Variants in PDE7B observed in about 807,000 individuals in gnomAD.
PDE7B encodes the protein 3',5'-cyclic-AMP phosphodiesterase 7B.
A neutral mutation model predicts 56.2 loss-of-function variants in PDE7B; 29 were observed. The ratio of observed to expected loss-of-function variants is 0.52; its 90% CI spans 0.38 to 0.70. The LOEUF (loss-of-function observed/expected upper bound fraction) is 0.70. PDE7B is among the 30% of genes least tolerant of loss of function. The pLI is 0.00. For synonymous variants in PDE7B, 197 were observed against 196.9 expected (o/e 1.00, Z 0.00); for missense variants, 490 against 565.0 (o/e 0.87, Z 1.35).
At chr6:135,971,223 C>T (rs142970197) in intron 2 of PDE7B, among the ~76,000 whole-genome samples, 6 of 152,264 alleles carry the variant, frequency 3.9e-5, no homozygotes, top group Non-Finnish European at 7.4e-5. Context: ...GACATCTTCA[C>T]GCAAACATGA....
chr6:136,008,359 T>C (rs1221209671), intron 2 of PDE7B, among the ~76,000 whole-genome samples: 1 of 152,226 alleles, frequency 6.6e-6, no homozygotes, highest in East Asian at 1.9e-4. Context: ...AGTAATGGGA[T>C]TGCTGGGTCA....
intron 3 of PDE7B, among the ~76,000 whole-genome samples, chr6:136,125,372 G>C (rs1347500212): frequency 6.6e-6 from 1 of 152,106 alleles, no homozygotes; most frequent in Non-Finnish European, 1.5e-5. Flanking sequence ...GCAGGAGTTT[G>C]AGATCAGCCT....
intron 2 of PDE7B, among the ~76,000 whole-genome samples, chr6:135,974,761 T>G (rs1237240173): frequency 6.6e-6 from 1 of 152,200 alleles, no homozygotes; most frequent in Non-Finnish European, 1.5e-5. Flanking sequence ...AGCTACACAA[T>G]CATCATGATC....
rs142417463 is a variant in PDE7B at position 136,187,012 on chromosome 6, TTTTC to T, written c.1046-9_1046-6del. 1,796 of 1,274,982 alleles carry T rather than the reference TTTTC, an allele frequency of 1.4e-3. 24 individuals are homozygous for T. The highest frequency in any genetic ancestry group is 0.013 in the East Asian group (577 of 43,330). 79.0% of individuals were successfully genotyped at this position (1,274,982 alleles called of 1,614,324 possible). A position where few individuals can be genotyped will look rare whatever the true frequency, so the allele number is the denominator to read the frequency against. ...TAAGTTCTAGATTACCAATGTGTTTTTTTCTTTCTTTCTTTCTTCTTAGGTGAAC... is the reference window on the plus strand; with the variant it reads ...TAAGTTCTAGATTACCAATGTGTTTTTTTCTTTCTTTCTTCTTAGGTGAAC... On this transcript the variant is annotated intron_variant, in intron 11 of 12. Transcript: ENST00000308191.
intron 2 of PDE7B, among the ~76,000 whole-genome samples, chr6:135,966,881 A>G (rs1363619027): frequency 6.6e-6 from 1 of 152,204 alleles, no homozygotes; most frequent in Non-Finnish European, 1.5e-5. Flanking sequence ...GCAATTATTG[A>G]GCATCTACTG....
intron 12 of PDE7B, among the ~76,000 whole-genome samples, chr6:136,187,648 C>T (rs866631373): frequency 2.6e-5 from 4 of 152,228 alleles, no homozygotes; most frequent in African/African-American, 9.6e-5. Context: ...TAAAACCACA[C>T]TCTCTTTCAA....
At chr6:135,888,686 ATAT>A (rs1379997262) in intron 1 of PDE7B, among the ~76,000 whole-genome samples, 1 of 151,744 alleles carries the variant, frequency 6.6e-6, no homozygotes, top group Non-Finnish European at 1.5e-5. Flanking sequence ...TAAAAAATAA[ATAT>A]TATAGGTATA....
intron 2 of PDE7B, among the ~76,000 whole-genome samples, chr6:135,990,984 G>T (rs1214709538): frequency 1.3e-5 from 2 of 152,198 alleles, no homozygotes; most frequent in Non-Finnish European, 2.9e-5. Context: ...TGGGAAAGGG[G>T]TGGGCAATTC....
chr6:136,011,190 A>G (rs569714568), intron 2 of PDE7B, among the ~76,000 whole-genome samples: 1 of 152,328 alleles, frequency 6.6e-6, no homozygotes, highest in East Asian at 1.9e-4. Flanking sequence ...ACAAACCTCA[A>G]AAGACTTTAT....
At chr6:136,121,738 T>C (rs1777937101) in intron 3 of PDE7B, among the ~76,000 whole-genome samples, 1 of 152,218 alleles carries the variant, frequency 6.6e-6, no homozygotes, top group African/African-American at 2.4e-5. Context: ...AAGGTTGGCA[T>C]TGGCATTTGG....
At position 136,193,210 on chromosome 6, in the gene PDE7B, C is replaced by T. The variant is rs1340051245; in HGVS notation, c.*1370C>T. The T allele has an allele frequency of 6.6e-6, 1 of 152,642 alleles. No individual in the cohort carries two copies. Among genetic ancestry groups the T allele is most frequent in the African/African-American group, 2.4e-5 (1 of 41,444 alleles). The allele number at this position is 152,642 out of a possible 1,614,324, so 9.5% of individuals were successfully genotyped here. A position where few individuals can be genotyped will look rare whatever the true frequency, so the allele number is the denominator to read the frequency against. ...CATCTAACCATCAGGGAATTCCCTG[C>T]TCCCATGCCACACATTTGTCTATTA... On this transcript the variant is annotated 3_prime_UTR_variant, in exon 13 of 13. Coordinates refer to ENST00000308191, the MANE Select transcript of PDE7B (RefSeq NM_018945.4).
chr6:136,164,264 A>G (rs1293540447), intron 8 of PDE7B, among the ~76,000 whole-genome samples: 1 of 152,154 alleles, frequency 6.6e-6, no homozygotes, highest in East Asian at 1.9e-4. Flanking sequence ...AAGGGGATAA[A>G]GCCCCTTATA....
chr6:135,958,096 G>A (rs1437738220), intron 2 of PDE7B, among the ~76,000 whole-genome samples: 2 of 152,256 alleles, frequency 1.3e-5, no homozygotes, highest in African/African-American at 2.4e-5. Context: ...GCCAGGTGTG[G>A]TGGCACGTGC....
intron 2 of PDE7B, among the ~76,000 whole-genome samples, chr6:136,104,259 A>G (rs946588977): frequency 6.6e-6 from 1 of 152,192 alleles, no homozygotes; most frequent in African/African-American, 2.4e-5. Context: ...CAGACTGGGG[A>G]CATGACTCTA....
chr6:136,087,847 G>C (rs1043917847), intron 2 of PDE7B, among the ~76,000 whole-genome samples: 10 of 152,202 alleles, frequency 6.6e-5, no homozygotes, highest in Admixed American at 2.0e-4. Flanking sequence ...GTGGCAAGCA[G>C]AGTTATGTTC....
chr6:136,061,699 T>C (rs919271289), intron 2 of PDE7B, among the ~76,000 whole-genome samples: 3 of 152,152 alleles, frequency 2.0e-5, no homozygotes, highest in African/African-American at 7.2e-5. Context: ...TAAATAAGCA[T>C]TGAATCAATG....
chr6:135,990,536 A>G (rs1775461305), intron 2 of PDE7B, among the ~76,000 whole-genome samples: 1 of 152,246 alleles, frequency 6.6e-6, no homozygotes, highest in Non-Finnish European at 1.5e-5. Context: ...CTCTTGAAAC[A>G]GAACCTGCTA....
Sources: gnomAD v4.1 joint callset for allele counts (sites outside exome capture counted in the v4.1 genomes callset) on GRCh38, gnomAD v4.1.1 for gene constraint, MANE v1.5 for transcripts, NCBI Gene and HGNC (gene_info 2026-07-23, HGNC 2026-07-21) for gene names.